The following MKLN1 variants were observed in gnomAD, a reference collection of about 807,000 sequenced individuals.
The protein encoded by MKLN1 is muskelin.
In MKLN1, 18 loss-of-function variants were observed where a neutral mutation model predicts 99.0. The ratio of observed to expected loss-of-function variants is 0.18; its 90% confidence interval spans 0.13 to 0.27. MKLN1 has a LOEUF of 0.27. MKLN1 is among the 10% of genes least tolerant of loss of function. The pLI is 1.00. For missense variants in MKLN1, 621 were observed against 875.9 expected, an observed-to-expected ratio of 0.71 and a Z score of 3.67; for synonymous variants, 288 against 293.2, an observed-to-expected ratio of 0.98 and a Z score of 0.18.
At chr7:131,189,237 A>G (rs1186507691) in intron 2 of MKLN1, among the ~76,000 whole-genome samples, 1 of 152,218 alleles carries the variant, frequency 6.6e-6, no homozygotes, top group African/African-American at 2.4e-5. Context: ...TTCAAAGATC[A>G]TATCACTACC....
chr7:131,310,897 A>T (rs536753450), intron 3 of MKLN1: 1 of 152,194 alleles, frequency 6.6e-6, no homozygotes, highest in Non-Finnish European at 1.5e-5. Flanking sequence ...AGATGTTTCA[A>T]TGTTGTTCAC....
intron 2 of MKLN1, among the ~76,000 whole-genome samples, chr7:131,198,344 A>G (rs1796679110): frequency 1.3e-5 from 2 of 152,166 alleles, no homozygotes; most frequent in South Asian, 4.1e-4. Context: ...TGTCGTCAGG[A>G]CCTCCTGAGG....
chr7:131,349,278 C>T (rs1799651590), intron 1 of MKLN1, among the ~76,000 whole-genome samples: 1 of 152,074 alleles, frequency 6.6e-6, no homozygotes, highest in Non-Finnish European at 1.5e-5. Flanking sequence ...TCACTGCAAC[C>T]TCTACCTCCC....
intron 3 of MKLN1, among the ~76,000 whole-genome samples, chr7:131,388,413 A>G (rs2116886458): frequency 6.6e-6 from 1 of 152,306 alleles, no homozygotes; most frequent in Admixed American, 6.5e-5. Flanking sequence ...CAACAGAGTA[A>G]GGTTGGCTTT....
At chr7:131,217,832 A>G (rs893917401) in intron 3 of MKLN1, among the ~76,000 whole-genome samples, 5 of 152,250 alleles carry the variant, frequency 3.3e-5, no homozygotes, top group African/African-American at 4.8e-5. Flanking sequence ...TAAGTGTCCA[A>G]TGACAGATTA....
At chr7:131,481,482 A>T (rs1797119722) in intron 17 of MKLN1, among the ~76,000 whole-genome samples, 1 of 152,162 alleles carries the variant, frequency 6.6e-6, no homozygotes, top group Admixed American at 6.5e-5. Context: ...TGAGATGATC[A>T]TCTTGAGCCC....
intron 2 of MKLN1, among the ~76,000 whole-genome samples, chr7:131,381,817 G>A (rs775704831): frequency 1.2e-4 from 18 of 151,936 alleles, no homozygotes; most frequent in Non-Finnish European, 2.5e-4. Context: ...TAACAATCAG[G>A]TTTGTGCCCA....
At chr7:131,217,572 C>T (rs185400854) in intron 3 of MKLN1, among the ~76,000 whole-genome samples, 1 of 152,208 alleles carries the variant, frequency 6.6e-6, no homozygotes, top group African/African-American at 2.4e-5. Flanking sequence ...GTTGTGGGCA[C>T]CTGTAATCCC....
chr7:131,123,022 CAAAAAAAAAAAAAA>C (rs59581806), intron 1 of MKLN1, among the ~76,000 whole-genome samples: 5 of 60,394 alleles, frequency 8.3e-5, no homozygotes, highest in Admixed American at 2.9e-4. Flanking sequence ...GACTCCGTCT[CAAAAAAAAAAAAAA>C]AAAAAAAAAA....
intron 1 of MKLN1, among the ~76,000 whole-genome samples, chr7:131,338,236 A>C (rs2116715876): frequency 6.6e-6 from 1 of 152,374 alleles, no homozygotes; most frequent in Non-Finnish European, 1.5e-5. Flanking sequence ...GAGGAAAATC[A>C]GTACTGAGTG....
At chr7:131,304,220 A>T (rs1798421392) in intron 3 of MKLN1, among the ~76,000 whole-genome samples, 1 of 152,122 alleles carries the variant, frequency 6.6e-6, no homozygotes. Context: ...CAAAAAAATA[A>T]ATTAGCTGGA....
Position 131,140,905 on chromosome 7 carries a change from G to A in MKLN1, c.-418-1915G>A, listed in dbSNP as rs144643662. 3.6e-4 allele frequency among the ~76,000 whole-genome samples: 54 copies of A among 151,928 alleles called. No homozygotes were observed. The East Asian group carries it at 9.9e-3, about 28-fold the overall frequency. On this transcript the variant is annotated intron_variant, in intron 1 of 7. Transcript: ENST00000416992. ...AGCAATTCTTCTGTCTCAGCCTCCC[G>A]AGTAGCTGGGACTATAGGCGCGTGC...
At chr7:131,271,552 G>A (rs1421418979) in intron 3 of MKLN1, among the ~76,000 whole-genome samples, 3 of 151,168 alleles carry the variant, frequency 2.0e-5, no homozygotes, top group Admixed American at 6.6e-5. Flanking sequence ...GGGAGGCGGA[G>A]CTTGCAGTGA....
chr7:131,469,486 T>C (rs1796758092), intron 15 of MKLN1, among the ~76,000 whole-genome samples: 1 of 152,210 alleles, frequency 6.6e-6, no homozygotes, highest in African/African-American at 2.4e-5. Context: ...GTGGACAAGA[T>C]GGTAAAGTAA....
intron 3 of MKLN1, among the ~76,000 whole-genome samples, chr7:131,239,313 C>A (rs1345626547): frequency 6.6e-6 from 1 of 151,064 alleles, no homozygotes; most frequent in East Asian, 1.9e-4. Flanking sequence ...ATATGCTTAT[C>A]TTTTTCTTTT....
chr7:131,387,057 T>A (rs1283113107), intron 2 of MKLN1, 63 bp from the exon 3 acceptor site: 1 of 1,454,240 alleles, frequency 6.9e-7, no homozygotes, highest in African/African-American at 1.4e-5. Context: ...GGCAATAGTT[T>A]TAAAGTTGTC....
intron 6 of MKLN1, among the ~76,000 whole-genome samples, chr7:131,405,954 C>G (rs757892460): frequency 1.1e-4 from 16 of 152,042 alleles, no homozygotes; most frequent in Non-Finnish European, 2.1e-4. Flanking sequence ...TCATATTGCA[C>G]AAATCTTTAT....
chr7:131,394,315 A>T (rs1486447269), intron 4 of MKLN1, among the ~76,000 whole-genome samples: 1 of 152,004 alleles, frequency 6.6e-6, no homozygotes, highest in East Asian at 1.9e-4. Flanking sequence ...TTTTGACACC[A>T]GCGACCAGTT....
At position 131,318,778 on chromosome 7, in the gene MKLN1, A is replaced by C. The variant is rs1452972386; in HGVS notation, c.-178-56646A>C. ...TAAAGGGGATATCACCACTGATCCC[A>C]CAGAAATACAAACTACCATCAGAGA... On this transcript the variant is annotated intron_variant, in intron 3 of 7. Coordinates refer to the MKLN1 transcript ENST00000416992. Among the ~76,000 whole-genome samples, 3 of 152,252 alleles carry C rather than the reference A, an allele frequency of 2.0e-5. No homozygotes were observed. The East Asian group carries it at 5.8e-4, about 29-fold the overall frequency.
Sources: gnomAD v4.1 joint callset for allele counts (sites outside exome capture counted in the v4.1 genomes callset) on GRCh38, gnomAD v4.1.1 for gene constraint, MANE v1.5 for transcripts, NCBI Gene and HGNC (gene_info 2026-07-23, HGNC 2026-07-21) for gene names.